ARL13B: variants seen among roughly 807,000 people sequenced by gnomAD.
The protein encoded by ARL13B is ARF like GTPase 13B.
In ARL13B, 36 loss-of-function variants were observed where a neutral mutation model predicts 56.1. That is an observed-to-expected ratio of 0.64 (90% CI 0.49 to 0.85). The LOEUF is 0.85. Ranked by LOEUF, ARL13B falls within the 40% of genes least tolerant of loss-of-function variation. ARL13B has a pLI of 0.00. For missense variants in ARL13B, 519 were observed against 507.1 expected, an observed-to-expected ratio of 1.02 and a Z score of -0.23; for synonymous variants, 178 against 171.1, an observed-to-expected ratio of 1.04 and a Z score of -0.32.
intron 1 of ARL13B, among the ~76,000 whole-genome samples, chr3:93,984,572 C>T (rs559020786): frequency 6.6e-6 from 1 of 152,060 alleles, no homozygotes; most frequent in South Asian, 2.1e-4. Context: ...GGAAGGCACA[C>T]GTGTAACTTT....
At chr3:93,985,534 A>G (rs1280296760) in intron 1 of ARL13B, among the ~76,000 whole-genome samples, 2 of 152,232 alleles carry the variant, frequency 1.3e-5, no homozygotes, top group Non-Finnish European at 2.9e-5. Context: ...CTTTGTTTAT[A>G]TGAAAATATA....
intron 1 of ARL13B, among the ~76,000 whole-genome samples, chr3:93,985,841 T>C (rs1479344954): frequency 6.6e-6 from 1 of 152,180 alleles, no homozygotes; most frequent in Non-Finnish European, 1.5e-5. Context: ...AAGCTTTACT[T>C]CAAATTTATT....
chr3:94,013,563 C>T (rs2076263965), intron 3 of ARL13B, among the ~76,000 whole-genome samples: 1 of 152,200 alleles, frequency 6.6e-6, no homozygotes, highest in African/African-American at 2.4e-5. Context: ...CTAGATTCAG[C>T]TCCCAGTTAC....
intron 3 of ARL13B, among the ~76,000 whole-genome samples, chr3:94,004,371 T>C (rs2076099832): frequency 6.6e-6 from 1 of 152,160 alleles, no homozygotes; most frequent in Non-Finnish European, 1.5e-5. Flanking sequence ...ATATTGGACA[T>C]GTGATTGTTA....
Position 94,036,737 on chromosome 3 carries a change from A to C in ARL13B, c.672A>C (p.Arg224=). The part of the protein sequence containing the change: ...QEKQERAERV[R]KLREERKQNE... ...AACAAGAAAGAGCTGAACGAGTGCGAAAATTACGAGAAGAAAGGTAAGTAG... is the reference window on the plus strand; with the variant it reads ...AACAAGAAAGAGCTGAACGAGTGCGCAAATTACGAGAAGAAAGGTAAGTAG... The change falls in exon 5 of 10, where the codon CGA becomes CGC. Residue 224 remains arginine, a synonymous_variant. Transcript: ENST00000394222. The C allele has an allele frequency of 3.1e-6, 5 of 1,612,072 alleles. No individual in the cohort carries two copies. Among genetic ancestry groups the C allele is most frequent in the Non-Finnish European group, 3.4e-6 (4 of 1,178,830 alleles).
At chr3:94,046,809 A>G (rs1468874990) in intron 7 of ARL13B, among the ~76,000 whole-genome samples, 1 of 152,156 alleles carries the variant, frequency 6.6e-6, no homozygotes, top group Non-Finnish European at 1.5e-5. Flanking sequence ...GTCTTGTCAA[A>G]TAGCCATTTT....
intron 5 of ARL13B, among the ~76,000 whole-genome samples, chr3:94,037,686 A>G (rs986325782): frequency 2.6e-5 from 4 of 151,808 alleles, no homozygotes; most frequent in African/African-American, 9.7e-5. Flanking sequence ...CATGCATGTT[A>G]AGTATACCTT....
chr3:93,985,404 A>G (rs1047216192), intron 1 of ARL13B, among the ~76,000 whole-genome samples: 25 of 152,206 alleles, frequency 1.6e-4, no homozygotes, highest in African/African-American at 6.0e-4. Flanking sequence ...GAGTTGAAAT[A>G]TGATTTTTAA....
At chr3:94,029,301 C>CATATATATATATATAT (rs1242349606) in intron 3 of ARL13B, among the ~76,000 whole-genome samples, 7 of 77,204 alleles carry the variant, frequency 9.1e-5, no homozygotes, top group South Asian at 5.7e-4. Context: ...CTATCAAAAT[C>CATATATATATATATAT]ATATATATAT....
Position 93,984,471 on chromosome 3 carries a change from A to G in ARL13B, c.59+3989A>G, listed in dbSNP as rs1242681245. Among the ~76,000 whole-genome samples the G allele has an allele frequency of 2.0e-5, 3 of 152,174 alleles. 1 individual carries two copies. The highest frequency in any genetic ancestry group is 4.1e-4 in the South Asian group (2 of 4,832). On this transcript the variant is annotated intron_variant, in intron 1 of 9. Transcript: ENST00000394222. ...TTCCCATTGAGTAGGCTGAGGAGAA[A>G]GAGGAAGAGGGGTTGGTCTTACTGT...
intron 1 of ARL13B, among the ~76,000 whole-genome samples, chr3:93,991,485 C>T (rs1212729987): frequency 1.3e-5 from 2 of 152,264 alleles, no homozygotes; most frequent in East Asian, 3.9e-4. Context: ...AGTGATCCTC[C>T]CACCTCAGCC....
At chr3:94,029,334 A>T (rs865969957) in intron 3 of ARL13B, among the ~76,000 whole-genome samples, 2,486 of 53,076 alleles carry the variant, frequency 0.047, 82 homozygotes, top group African/African-American at 0.095. Flanking sequence ...ATATATATAT[A>T]TTTATTTTTT....
chr3:93,990,809 C>T (rs1328633586), intron 1 of ARL13B, among the ~76,000 whole-genome samples: 2 of 152,150 alleles, frequency 1.3e-5, no homozygotes, highest in Non-Finnish European at 2.9e-5. Context: ...TTTTCTCGTG[C>T]AGTGTTCTCA....
intron 7 of ARL13B, among the ~76,000 whole-genome samples, chr3:94,045,195 G>A (rs1470546992): frequency 6.6e-6 from 1 of 152,066 alleles, no homozygotes. Flanking sequence ...AGGGTTAAAT[G>A]GATTAAGGGC....
chr3:94,032,155 C>T lies in ARL13B; in HGVS notation c.381-3176C>T, dbSNP rs553161678. On this transcript the variant is annotated intron_variant, in intron 3 of 9. Coordinates refer to ENST00000394222, the MANE Select transcript of ARL13B (RefSeq NM_001174150.2). ...CCTGCAGAATGAGGGAAAATATTTG[C>T]GACCTCTTTATCCTATAGGAGACTA... Among the ~76,000 whole-genome samples, 8 of 152,274 alleles carry T rather than the reference C, an allele frequency of 5.3e-5. No homozygotes were observed. In the South Asian group the frequency reaches 8.3e-4, roughly 16 times the overall value.
At chr3:94,025,345 C>T (rs1177015058) in intron 3 of ARL13B, among the ~76,000 whole-genome samples, 10 of 152,034 alleles carry the variant, frequency 6.6e-5, no homozygotes, top group Admixed American at 6.6e-4. Context: ...CAGTGTTATA[C>T]ATCATGGCAA....
rs757167797 is a variant in ARL13B at position 94,036,549 on chromosome 3, T to C, written c.487-3T>C. On this transcript the variant is annotated splice_region_variant and splice_polypyrimidine_tract_variant and intron_variant, in intron 4 of 9. Transcript: ENST00000394222. ...CTTTTAGTCAAATAAATTTCTGTTT[T>C]AGGAACCATGTTCAGCAATCTCGGG... is the stretch of plus-strand genomic sequence containing the variant. 6.2e-7 allele frequency: 1 copy of C among 1,613,988 alleles called. No individual in the cohort carries two copies. Among genetic ancestry groups the C allele is most frequent in the Non-Finnish European group, 8.5e-7 (1 of 1,179,958 alleles).
rs1227349762 is a variant in ARL13B at position 94,054,568 on chromosome 3, T to C, written c.*1305T>C. On this transcript the variant is annotated 3_prime_UTR_variant, in exon 10 of 10. Coordinates refer to ENST00000394222, the MANE Select transcript of ARL13B (RefSeq NM_001174150.2). ...GATTGGTGCTTTTGGTAACTTGTAC[T>C]GACACAACAGACATGTGCTAGTATC... 3 of 400,908 alleles carry C rather than the reference T, an allele frequency of 7.5e-6. No homozygotes were observed. In the East Asian group the frequency reaches 2.3e-4, roughly 30 times the overall value. 24.8% of individuals were successfully genotyped at this position (400,908 alleles called of 1,614,324 possible).
At position 93,980,442 on chromosome 3, in the gene ARL13B, A is replaced by T; in HGVS notation, c.19A>T (p.Ser7Cys). MFSLMA[S>C]CCGWFKRWRE... Reference sequence around the variant, plus strand: ...ACCCGGGATGTTCAGTCTGATGGCCAGTTGCTGCGGCTGGTTCAAGCGGTG... The same window carrying T: ...ACCCGGGATGTTCAGTCTGATGGCCTGTTGCTGCGGCTGGTTCAAGCGGTG... Residue 7 changes from serine (S) to cysteine (C), a missense_variant, in exon 1 of 10, where the codon AGT becomes TGT. Ser to Cys is a moderately radical substitution (Grantham distance 112). Transcript: ENST00000394222. 6.2e-7 allele frequency: 1 copy of T among 1,612,754 alleles called. No individual in the cohort carries two copies. The highest frequency in any genetic ancestry group is 1.1e-5 in the South Asian group (1 of 91,084).
Sources: gnomAD v4.1 joint callset for allele counts (sites outside exome capture counted in the v4.1 genomes callset) on GRCh38, gnomAD v4.1.1 for gene constraint, MANE v1.5 for transcripts, NCBI Gene and HGNC (gene_info 2026-07-23, HGNC 2026-07-21) for gene names.